Variants in PTPRG observed in about 807,000 individuals in gnomAD.
The protein encoded by PTPRG is receptor-type tyrosine-protein phosphatase gamma.
In PTPRG, 102 loss-of-function variants were observed where a neutral mutation model predicts 165.3. The observed-to-expected ratio is 0.62, with a 90% CI of 0.53 to 0.73. The LOEUF (loss-of-function observed/expected upper bound fraction) is 0.73, where lower values mean the gene tolerates loss of function less well. Among genes scored for constraint, PTPRG ranks in the 30% least tolerant of loss-of-function variants. The probability of loss-of-function intolerance (pLI) is 0.00; values close to 1 mark genes in which losing one functional copy is unlikely to be tolerated. For synonymous variants in PTPRG, 675 were observed against 669.5 expected, an observed-to-expected ratio of 1.01 and a Z score of -0.13; for missense variants, 1,866 against 1,861.4, an observed-to-expected ratio of 1.00 and a Z score of -0.05.
Position 62,273,158 on chromosome 3 carries a change from G to C in PTPRG, c.3318+77G>C. On this transcript the variant is annotated intron_variant, in intron 22 of 29. Coordinates refer to ENST00000474889, the MANE Select transcript of PTPRG (RefSeq NM_002841.4). This position sits in a 1 kb window ranked among gnomAD's most constrained non-coding sequence, Gnocchi z 4.1. ...GAAATTTGTTAAATGATAATGAAGAGACAGATTCATTCTTTTAGGGCTTGC... is the reference window on the plus strand; with the variant it reads ...GAAATTTGTTAAATGATAATGAAGACACAGATTCATTCTTTTAGGGCTTGC... 1 of 1,430,828 alleles carries C rather than the reference G, an allele frequency of 7.0e-7. No individual in the cohort carries two copies. Among genetic ancestry groups the C allele is most frequent in the Non-Finnish European group, 9.4e-7 (1 of 1,064,862 alleles). 88.6% of individuals were successfully genotyped at this position (1,430,828 alleles called of 1,614,324 possible).
chr3:62,054,595 A>C (rs1387313823), intron 4 of PTPRG, among the ~76,000 whole-genome samples: 1 of 152,222 alleles, frequency 6.6e-6, no homozygotes, highest in Non-Finnish European at 1.5e-5. Flanking sequence ...ACTGTAAGGA[A>C]CAAGAGGCAA....
At chr3:62,269,213 T>C (rs766227082) in intron 20 of PTPRG, 44 bp downstream of exon 20, 16 of 1,510,548 alleles carry the variant, frequency 1.1e-5, no homozygotes, top group Non-Finnish European at 1.3e-5. Flanking sequence ...CCCCTTTTTA[T>C]ACTTGTATGA....
At chr3:61,797,972 C>A (rs2035106643) in intron 2 of PTPRG, among the ~76,000 whole-genome samples, 4 of 152,088 alleles carry the variant, frequency 2.6e-5, no homozygotes, top group East Asian at 1.9e-4. Context: ...ACTATTCTTC[C>A]CAGCATAAAA....
At chr3:61,785,675 T>C (rs998580284) in intron 2 of PTPRG, among the ~76,000 whole-genome samples, 2 of 152,210 alleles carry the variant, frequency 1.3e-5, no homozygotes, top group Non-Finnish European at 2.9e-5. Flanking sequence ...CTGTGTCGAA[T>C]TGAAAGCATG....
At chr3:61,576,680 A>G (rs541219204) in intron 1 of PTPRG, among the ~76,000 whole-genome samples, 4 of 152,360 alleles carry the variant, frequency 2.6e-5, no homozygotes, top group Non-Finnish European at 5.9e-5. Context: ...CATGAGAAAG[A>G]GAGGTGTATC....
At chr3:61,608,712 A>C (rs1156458342) in intron 1 of PTPRG, among the ~76,000 whole-genome samples, 1 of 152,194 alleles carries the variant, frequency 6.6e-6, no homozygotes, top group Non-Finnish European at 1.5e-5. Flanking sequence ...AGGCAGCATG[A>C]GTCGGCCTGG....
At chr3:61,941,025 A>G (rs958909648) in intron 2 of PTPRG, among the ~76,000 whole-genome samples, 1 of 152,162 alleles carries the variant, frequency 6.6e-6, no homozygotes, top group Non-Finnish European at 1.5e-5. Flanking sequence ...TCTGATCCCA[A>G]CAGCAGCCAT....
chr3:62,223,513 G>T lies in PTPRG; in HGVS notation c.2288+4530G>T, dbSNP rs1700694779. Among the ~76,000 whole-genome samples, 2 of 152,152 alleles carry T rather than the reference G, an allele frequency of 1.3e-5. 1 individual carries two copies. Among genetic ancestry groups the T allele is most frequent in the South Asian group, 4.1e-4 (2 of 4,826 alleles). On this transcript the variant is annotated intron_variant, in intron 13 of 29. Coordinates refer to ENST00000474889, the MANE Select transcript of PTPRG (RefSeq NM_002841.4). ...AATTGGGGGGGCGGAGTCTAAAAGGGCCCCTCAGAGGAGGTGCCAATGAAA... is the reference window on the plus strand; with the variant it reads ...AATTGGGGGGGCGGAGTCTAAAAGGTCCCCTCAGAGGAGGTGCCAATGAAA...
chr3:61,965,329 A>G (rs1222195587), intron 2 of PTPRG, among the ~76,000 whole-genome samples: 1 of 151,888 alleles, frequency 6.6e-6, no homozygotes, highest in African/African-American at 2.4e-5. Context: ...CTCTACTAAA[A>G]ATACAAAAAT....
intron 1 of PTPRG, among the ~76,000 whole-genome samples, chr3:61,722,846 A>G (rs2032109540): frequency 6.6e-6 from 1 of 152,202 alleles, no homozygotes; most frequent in Admixed American, 6.5e-5. Context: ...AATCATGGAA[A>G]TGTATTTTCT....
chr3:62,172,195 T>C (rs1275673742), intron 8 of PTPRG, among the ~76,000 whole-genome samples: 1 of 152,258 alleles, frequency 6.6e-6, no homozygotes, highest in East Asian at 1.9e-4. Flanking sequence ...TTATGAATAA[T>C]GCTTTTGTGA....
intron 2 of PTPRG, among the ~76,000 whole-genome samples, chr3:61,790,660 T>C (rs778601841): frequency 3.9e-5 from 6 of 152,158 alleles, no homozygotes; most frequent in Non-Finnish European, 8.8e-5. Context: ...TACCCTTGGT[T>C]TCACAAATAG....
intron 2 of PTPRG, among the ~76,000 whole-genome samples, chr3:61,752,803 A>AAAAAAAAAAG (rs1553660827): frequency 8.2e-4 from 27 of 33,106 alleles, no homozygotes; most frequent in Non-Finnish European, 1.6e-3. Flanking sequence ...AAAAAAAAAG[A>AAAAAAAAAAG]AAAAAAAAAA....
At chr3:62,064,656 A>C (rs2106702820) in intron 4 of PTPRG, among the ~76,000 whole-genome samples, 1 of 151,840 alleles carries the variant, frequency 6.6e-6, no homozygotes, top group East Asian at 1.9e-4. Context: ...AGAGCTCCTT[A>C]AATAATAAAA....
chr3:62,130,856 T>A (rs1703487740), intron 5 of PTPRG, among the ~76,000 whole-genome samples: 1 of 152,218 alleles, frequency 6.6e-6, no homozygotes. Context: ...TTGAGCTTCT[T>A]CTCAGGCAAT....
chr3:61,835,623 C>T (rs189767933), intron 2 of PTPRG, among the ~76,000 whole-genome samples: 13 of 152,170 alleles, frequency 8.5e-5, no homozygotes, highest in African/African-American at 2.6e-4. Context: ...TGAACCACCA[C>T]GCCCAGCCCG....
At chr3:62,056,800 G>A (rs1700650078) in intron 4 of PTPRG, among the ~76,000 whole-genome samples, 1 of 152,182 alleles carries the variant, frequency 6.6e-6, no homozygotes, top group Non-Finnish European at 1.5e-5. Flanking sequence ...CCTGTCACTT[G>A]CTGTGCTTTG....
intron 2 of PTPRG, among the ~76,000 whole-genome samples, chr3:61,915,026 C>G (rs1285436724): frequency 2.6e-5 from 4 of 152,162 alleles, no homozygotes; most frequent in African/African-American, 4.8e-5. Flanking sequence ...GTCAGGAGTT[C>G]CAGGCCAGCC....
At chr3:61,747,727 T>G (rs542172951) in intron 1 of PTPRG, among the ~76,000 whole-genome samples, 1 of 152,276 alleles carries the variant, frequency 6.6e-6, no homozygotes, top group Non-Finnish European at 1.5e-5. Context: ...ACAGAATGCG[T>G]TGTGTTTTCC....
Sources: allele counts gnomAD v4.1 joint callset (sites outside exome capture counted in the v4.1 genomes callset), GRCh38; gene constraint gnomAD v4.1.1; non-coding constraint Gnocchi (gnomAD v3.1); transcripts MANE v1.5; gene names NCBI Gene and HGNC (gene_info 2026-07-23, HGNC 2026-07-21).